SPAG16: variants seen among roughly 807,000 people sequenced by gnomAD.
SPAG16 encodes the protein sperm associated antigen 16, also known as sperm-associated antigen 16 protein.
In SPAG16, 86 loss-of-function variants were observed where a neutral mutation model predicts 80.4. That is an observed-to-expected ratio of 1.07 (90% CI 0.90 to 1.28). SPAG16 has a LOEUF of 1.28. Among genes scored for constraint, SPAG16 ranks in the 50% most tolerant of loss-of-function variants. The pLI, the probability that SPAG16 is intolerant of heterozygous loss-of-function variation, is 0.00. For missense variants in SPAG16, 870 were observed against 765.3 expected, an observed-to-expected ratio of 1.14 and a Z score of -1.61; for synonymous variants, 294 against 265.9, an observed-to-expected ratio of 1.11 and a Z score of -1.03.
intron 10 of SPAG16, among the ~76,000 whole-genome samples, chr2:213,567,868 A>G (rs2059831706): frequency 2.7e-5 from 1 of 36,914 alleles, no homozygotes; most frequent in Non-Finnish European, 4.5e-5. Flanking sequence ...AAGTGTTCCT[A>G]TTTCTCCGCA....
intron 13 of SPAG16, among the ~76,000 whole-genome samples, chr2:214,070,350 A>G (rs147735678): frequency 1.1e-4 from 17 of 152,164 alleles, no homozygotes; most frequent in African/African-American, 3.8e-4. Flanking sequence ...TTTGTTTACA[A>G]CAAATGTAAT....
intron 11 of SPAG16, among the ~76,000 whole-genome samples, chr2:213,905,519 A>AT (rs1454861929): frequency 3.9e-5 from 6 of 152,332 alleles, no homozygotes; most frequent in Admixed American, 3.9e-4. Context: ...ATTTTAGGGA[A>AT]TTCAATATTG....
At chr2:213,638,002 C>T (rs1011798652) in intron 10 of SPAG16, among the ~76,000 whole-genome samples, 2 of 152,174 alleles carry the variant, frequency 1.3e-5, no homozygotes, top group Non-Finnish European at 2.9e-5. Flanking sequence ...CGTGATCCGC[C>T]CGTCTTGGCC....
rs1168414870 is a variant in SPAG16, at chr2:213,562,941, C to T, written c.1070+72851C>T. ...TAATACCATTCATGAGGGCTCTGCC[C>T]TCATCTAAACACCGCCTAAAGGCCT... On this transcript the variant is annotated intron_variant, in intron 10 of 15. Transcript: ENST00000331683. Among the ~76,000 whole-genome samples, 3 of 152,296 alleles carry T rather than the reference C, an allele frequency of 2.0e-5. No homozygotes were observed. The East Asian group carries it at 5.8e-4, about 29-fold the overall frequency.
At chr2:214,267,370 A>C (rs1246407260) in intron 15 of SPAG16, among the ~76,000 whole-genome samples, 1 of 151,790 alleles carries the variant, frequency 6.6e-6, no homozygotes, top group Non-Finnish European at 1.5e-5. Flanking sequence ...ATTTTTGACA[A>C]AGGTGCAAAG....
intron 12 of SPAG16, among the ~76,000 whole-genome samples, chr2:213,971,885 T>G (rs560304442): frequency 4.9e-4 from 75 of 152,100 alleles, no homozygotes; most frequent in African/African-American, 1.2e-3. Flanking sequence ...TTTGGTTTTT[T>G]TTTTTAGTAC....
intron 9 of SPAG16, among the ~76,000 whole-genome samples, chr2:213,471,973 T>C (rs1260505772): frequency 6.6e-6 from 1 of 152,182 alleles, no homozygotes; most frequent in African/African-American, 2.4e-5. Context: ...CCCTAAATTT[T>C]AGTCAGATTT....
chr2:213,558,136 T>G (rs1331208020), intron 10 of SPAG16, among the ~76,000 whole-genome samples: 2 of 152,252 alleles, frequency 1.3e-5, no homozygotes, highest in Non-Finnish European at 2.9e-5. Flanking sequence ...AACATATTAG[T>G]GCTTGAATGA....
intron 11 of SPAG16, among the ~76,000 whole-genome samples, chr2:213,916,253 C>T (rs1180570129): frequency 1.3e-5 from 2 of 152,086 alleles, no homozygotes; most frequent in Non-Finnish European, 2.9e-5. Flanking sequence ...TTAGGTTTTA[C>T]GTTTAAGTCT....
intron 11 of SPAG16, among the ~76,000 whole-genome samples, chr2:213,916,620 C>A (rs2077983690): frequency 6.6e-6 from 1 of 152,102 alleles, no homozygotes; most frequent in Non-Finnish European, 1.5e-5. Context: ...TTGAGAACAG[C>A]ACAAGAAAAA....
At chr2:213,562,742 G>A (rs2059633614) in intron 10 of SPAG16, among the ~76,000 whole-genome samples, 2 of 150,972 alleles carry the variant, frequency 1.3e-5, no homozygotes, top group South Asian at 4.2e-4. Flanking sequence ...TGCCTGGTGA[G>A]GCCAATGTCA....
At chr2:213,950,901 C>A (rs1054258263) in intron 12 of SPAG16, among the ~76,000 whole-genome samples, 1 of 151,476 alleles carries the variant, frequency 6.6e-6, no homozygotes, top group African/African-American at 2.4e-5. Context: ...AAGGTAGAGA[C>A]AGTGTCTCTC....
intron 9 of SPAG16, among the ~76,000 whole-genome samples, chr2:213,433,569 A>G (rs963436951): frequency 3.3e-5 from 5 of 152,210 alleles, no homozygotes; most frequent in Admixed American, 3.3e-4. Flanking sequence ...TACAAGGGAA[A>G]TTACAAAATA....
intron 5 of SPAG16, among the ~76,000 whole-genome samples, chr2:213,333,820 A>T (rs1356184408): frequency 6.6e-6 from 1 of 152,106 alleles, no homozygotes; most frequent in East Asian, 1.9e-4. Context: ...TCAAACTGGA[A>T]TACTATGTCT....
intron 8 of SPAG16, among the ~76,000 whole-genome samples, chr2:213,370,599 A>G (rs185407924): frequency 6.6e-6 from 1 of 152,332 alleles, no homozygotes; most frequent in Admixed American, 6.5e-5. Flanking sequence ...TTAAAGGTTG[A>G]GGGACTTTGT....
intron 15 of SPAG16, among the ~76,000 whole-genome samples, chr2:214,352,565 T>TGTGTGTGTGTGTGTGTGTGTGAGTGA (rs375089345): frequency 1.5e-5 from 1 of 64,732 alleles, no homozygotes; most frequent in East Asian, 3.5e-4. Context: ...TCTCTGTGTG[T>TGTGTGTGTGTGTGTGTGTGTGAGTGA]GTGTGTGTGT....
chr2:214,138,354 A>G (rs1404121801), intron 14 of SPAG16, among the ~76,000 whole-genome samples: 1 of 152,086 alleles, frequency 6.6e-6, no homozygotes, highest in Non-Finnish European at 1.5e-5. Context: ...TTTCAAGGCT[A>G]AGTCCCAGTA....
chr2:214,121,779 T>G (rs190288415), intron 14 of SPAG16, among the ~76,000 whole-genome samples: 5 of 152,026 alleles, frequency 3.3e-5, no homozygotes, highest in Admixed American at 2.6e-4. Flanking sequence ...CAAACTTTGT[T>G]TCATGTATAA....
At chr2:213,664,388 A>G (rs917866174) in intron 10 of SPAG16, among the ~76,000 whole-genome samples, 5 of 152,092 alleles carry the variant, frequency 3.3e-5, no homozygotes, top group African/African-American at 7.2e-5. Flanking sequence ...GAATAACTAT[A>G]TTTGTTATTT....
Sources: allele counts gnomAD v4.1 joint callset (sites outside exome capture counted in the v4.1 genomes callset), GRCh38; gene constraint gnomAD v4.1.1; transcripts MANE v1.5; gene names NCBI Gene and HGNC (gene_info 2026-07-23, HGNC 2026-07-21).